The following NRG3 variants were observed in gnomAD, a reference collection of about 807,000 sequenced individuals.
The protein encoded by NRG3 is neuregulin 3.
Under a neutral mutation model 66.9 loss-of-function variants are expected in NRG3, and 31 were observed. The ratio of observed to expected loss-of-function variants is 0.46; its 90% CI spans 0.35 to 0.63. The LOEUF is 0.63. NRG3 is among the 20% of genes least tolerant of loss of function. NRG3 has a pLI of 0.00. For synonymous variants in NRG3, 393 were observed against 359.4 expected (o/e 1.09, Z -1.06); for missense variants, 910 against 878.9 (o/e 1.04, Z -0.45).
chr10:82,850,313 C>T (rs753653781), intron 3 of NRG3, among the ~76,000 whole-genome samples: 7 of 152,150 alleles, frequency 4.6e-5, no homozygotes, highest in Non-Finnish European at 7.3e-5. Flanking sequence ...AAGATTCACT[C>T]CTCCCACTCA....
At chr10:82,070,183 C>A (rs1257258343) in intron 1 of NRG3, among the ~76,000 whole-genome samples, 1 of 152,106 alleles carries the variant, frequency 6.6e-6, no homozygotes, top group African/African-American at 2.4e-5. Context: ...TGATGGGACC[C>A]AGAGTGATCT....
intron 1 of NRG3, among the ~76,000 whole-genome samples, chr10:82,099,697 A>T (rs1171571859): frequency 1.3e-5 from 2 of 152,156 alleles, no homozygotes; most frequent in Non-Finnish European, 2.9e-5. Flanking sequence ...TAAGCTGGGC[A>T]CTGTGGCTCA....
intron 1 of NRG3, among the ~76,000 whole-genome samples, chr10:82,080,733 A>AAT (rs1206436925): frequency 6.6e-6 from 1 of 152,156 alleles, no homozygotes; most frequent in Non-Finnish European, 1.5e-5. Flanking sequence ...AATGTGGTAA[A>AAT]ATATATATAA....
At chr10:82,794,275 C>G (rs1432889770) in intron 3 of NRG3, among the ~76,000 whole-genome samples, 6 of 152,254 alleles carry the variant, frequency 3.9e-5, no homozygotes, top group African/African-American at 1.4e-4. Context: ...CTCTCTCCCA[C>G]AAATCACCTT....
At chr10:82,044,363 C>G (rs1423195651) in intron 1 of NRG3, among the ~76,000 whole-genome samples, 1 of 151,920 alleles carries the variant, frequency 6.6e-6, no homozygotes, top group East Asian at 1.9e-4. Flanking sequence ...GGCACACTCA[C>G]CCACATACCC....
chr10:82,352,406 T>C (rs1393751603), intron 1 of NRG3, among the ~76,000 whole-genome samples: 1 of 152,190 alleles, frequency 6.6e-6, no homozygotes, highest in Non-Finnish European at 1.5e-5. Flanking sequence ...GTGTGTGTTA[T>C]CTGTGGCTCA....
chr10:82,630,764 A>T (rs1456970678), intron 2 of NRG3, among the ~76,000 whole-genome samples: 1 of 152,176 alleles, frequency 6.6e-6, no homozygotes, highest in East Asian at 1.9e-4. Flanking sequence ...CTTGGTTATT[A>T]TAAACCCTTC....
chr10:82,833,058 TG>T (rs1159025690), intron 3 of NRG3, among the ~76,000 whole-genome samples: 12 of 152,240 alleles, frequency 7.9e-5, no homozygotes, highest in South Asian at 2.1e-4. Context: ...CTCTGGTAGC[TG>T]TATCACTTAG....
At chr10:82,034,193 T>A (rs2062690521) in intron 1 of NRG3, among the ~76,000 whole-genome samples, 1 of 152,168 alleles carries the variant, frequency 6.6e-6, no homozygotes, top group Admixed American at 6.5e-5. Context: ...GTACATTTTT[T>A]AAATTACTTA....
At chr10:82,385,294 T>A (rs1005697845) in intron 2 of NRG3, among the ~76,000 whole-genome samples, 2 of 152,190 alleles carry the variant, frequency 1.3e-5, no homozygotes, top group African/African-American at 4.8e-5. Context: ...ATAGCTTCTT[T>A]TGCTGTGCAG....
intron 3 of NRG3, among the ~76,000 whole-genome samples, chr10:82,813,246 C>A (rs1345117760): frequency 9.1e-6 from 1 of 109,752 alleles, no homozygotes; most frequent in African/African-American, 3.5e-5. Context: ...CAGGGTCTTG[C>A]TCTGTTGCCC....
chr10:82,336,068 CA>C (rs1051104291), intron 1 of NRG3, among the ~76,000 whole-genome samples: 1 of 152,092 alleles, frequency 6.6e-6, no homozygotes, highest in Non-Finnish European at 1.5e-5. Context: ...ATTGTAATTA[CA>C]AAAACATGTG....
At chr10:82,579,125 A>G (rs1018549531) in intron 2 of NRG3, among the ~76,000 whole-genome samples, 27 of 151,984 alleles carry the variant, frequency 1.8e-4, no homozygotes, top group African/African-American at 5.8e-4. Context: ...GGGTAATTGT[A>G]GTGTGCAGTT....
At position 82,425,155 on chromosome 10, in the gene NRG3, T is replaced by C. The variant is rs2136271287; in HGVS notation, c.953+66287T>C. On this transcript the variant is annotated intron_variant, in intron 2 of 8. Transcript: ENST00000372141. The stretch of plus-strand genomic sequence containing the variant: ...CTTGAAATTCTCTACGAACTTAGGA[T>C]TAACTTTTCAATTTTGGCAAAAAGG... 1.3e-5 allele frequency among the ~76,000 whole-genome samples: 2 copies of C among 152,226 alleles called. 1 individual carries two copies. The highest frequency in any genetic ancestry group is 4.2e-4 in the South Asian group (2 of 4,818).
intron 2 of NRG3, among the ~76,000 whole-genome samples, chr10:82,599,927 C>T (rs1174720115): frequency 1.3e-5 from 2 of 152,084 alleles, no homozygotes; most frequent in African/African-American, 2.4e-5. Context: ...AGCATCAGTT[C>T]CTTTTAAATG....
intron 2 of NRG3, among the ~76,000 whole-genome samples, chr10:82,514,279 G>A (rs896258441): frequency 9.9e-5 from 15 of 152,120 alleles, no homozygotes; most frequent in African/African-American, 3.6e-4. Context: ...GTCTTGAATG[G>A]TATTGCCTAG....
At chr10:82,114,720 T>A (rs1166766464) in intron 1 of NRG3, among the ~76,000 whole-genome samples, 1 of 152,176 alleles carries the variant, frequency 6.6e-6, no homozygotes, top group African/African-American at 2.4e-5. Context: ...CTTTTGCCCC[T>A]GCTTAAACAA....
intron 1 of NRG3, among the ~76,000 whole-genome samples, chr10:82,251,095 A>T (rs1329663443): frequency 6.6e-6 from 1 of 152,248 alleles, no homozygotes; most frequent in Non-Finnish European, 1.5e-5. Context: ...CGTTGGACGT[A>T]CATTGCTACA....
chr10:82,532,415 A>T (rs965980055), intron 2 of NRG3, among the ~76,000 whole-genome samples: 1 of 150,254 alleles, frequency 6.7e-6, no homozygotes, highest in Admixed American at 6.7e-5. Flanking sequence ...AGTACAATAC[A>T]TATATAGTAC....
Sources: gnomAD v4.1 joint callset for allele counts (sites outside exome capture counted in the v4.1 genomes callset) on GRCh38, gnomAD v4.1.1 for gene constraint, MANE v1.5 for transcripts, NCBI Gene and HGNC (gene_info 2026-07-23, HGNC 2026-07-21) for gene names.